The following BCAS3 variants were observed in gnomAD, a reference collection of about 807,000 sequenced individuals.
BCAS3 encodes the protein BCAS4/BCAS3 fusion.
BCAS3 carries 53 observed loss-of-function variants against 116.1 expected under a neutral mutation model. The observed-to-expected ratio is 0.46, with a 90% CI of 0.37 to 0.57. The LOEUF (loss-of-function observed/expected upper bound fraction) is 0.57. BCAS3 is among the 20% of genes least tolerant of loss of function. The probability of loss-of-function intolerance (pLI) is 0.00; values close to 1 mark genes in which losing one functional copy is unlikely to be tolerated. For missense variants in BCAS3, 917 were observed against 1,165.4 expected (o/e 0.79, Z 3.10); for synonymous variants, 391 against 408.2 (o/e 0.96, Z 0.51).
chr17:61,088,957 G>T lies in BCAS3; in HGVS notation c.2425+4393G>T, dbSNP rs573909188. On this transcript the variant is annotated intron_variant, in intron 22 of 23. Coordinates refer to ENST00000407086, the MANE Select transcript of BCAS3 (RefSeq NM_017679.5). The surrounding 1 kb of genome is among the most constrained non-coding windows in gnomAD (Gnocchi z 4.2). Reference sequence around the variant, plus strand: ...ACATGCCTGAGGAAGATGGTAGTGTGAGAAGGACAATGTGACAGATAAGAA... The same window carrying T: ...ACATGCCTGAGGAAGATGGTAGTGTTAGAAGGACAATGTGACAGATAAGAA... Among the ~76,000 whole-genome samples, 20 of 152,306 alleles carry T rather than the reference G, an allele frequency of 1.3e-4. No individual in the cohort carries two copies. The highest frequency in any genetic ancestry group is 4.3e-4 in the African/African-American group (18 of 41,562).
intron 22 of BCAS3, among the ~76,000 whole-genome samples, chr17:61,322,794 CAGAGAGAGAGAG>C (rs35581770): frequency 4.5e-4 from 45 of 99,688 alleles, no homozygotes; most frequent in African/African-American, 1.4e-3. Flanking sequence ...GAGAGAGAGA[CAGAGAGAGAGAG>C]AGAGAGAGAG....
chr17:60,697,094 G>A (rs113200550), intron 4 of BCAS3, among the ~76,000 whole-genome samples: 10,647 of 152,158 alleles, frequency 0.07, 1,242 homozygotes, highest in African/African-American at 0.24. Flanking sequence ...AGAGGCTGAG[G>A]TGGGAGGATT....
At chr17:60,905,634 G>T (rs773431340) in intron 11 of BCAS3, among the ~76,000 whole-genome samples, 12 of 152,112 alleles carry the variant, frequency 7.9e-5, no homozygotes, top group South Asian at 4.1e-4. Flanking sequence ...GGTGTCATTT[G>T]TCTGGGGTAA....
In BCAS3 at chr17:61,106,481, A is replaced by G. The variant is rs1039712301; in HGVS notation, c.2425+21917A>G. On this transcript the variant is annotated intron_variant, in intron 22 of 23. Transcript: ENST00000407086. This position sits in a 1 kb window ranked among gnomAD's most constrained non-coding sequence, Gnocchi z 4.2. ...GCTTAGGTGTGTTGTAGGCTATTCT[A>G]TCTAGGTTTGTACAAGCATACTCTA... is the stretch of plus-strand genomic sequence containing the variant. Among the ~76,000 whole-genome samples, 1 of 152,172 alleles carries G rather than the reference A, an allele frequency of 6.6e-6. No homozygotes were observed. The highest frequency in any genetic ancestry group is 1.5e-5 in the Non-Finnish European group (1 of 68,032).
At chr17:61,100,289 A>G (rs2074242726) in intron 22 of BCAS3, among the ~76,000 whole-genome samples, 1 of 152,118 alleles carries the variant, frequency 6.6e-6, no homozygotes, top group Non-Finnish European at 1.5e-5. Flanking sequence ...ATGATCTTCT[A>G]TTTGGGCTAC....
chr17:61,046,321 AC>A (rs979825911), intron 19 of BCAS3, among the ~76,000 whole-genome samples: 9 of 149,194 alleles, frequency 6.0e-5, no homozygotes, highest in African/African-American at 2.2e-4. Flanking sequence ...GTTTTCCTTA[AC>A]TATATTGGAA....
chr17:60,697,247 A>G (rs1421677379), intron 4 of BCAS3, among the ~76,000 whole-genome samples: 1 of 148,274 alleles, frequency 6.7e-6, no homozygotes, highest in African/African-American at 2.5e-5. Context: ...AGGAAAAGAA[A>G]GAAGCAGGTT....
rs1435775965 is a variant in BCAS3, at chr17:60,962,396, CTTG to C, written c.1221+15049_1221+15051del. On this transcript the variant is annotated intron_variant, in intron 14 of 23. Transcript: ENST00000407086. This position sits in a 1 kb window ranked among gnomAD's most constrained non-coding sequence, Gnocchi z 4.4. ...CATTTTTACTAGGGTGAGATGATAT[CTTG>C]TTGTGGTTTTGATTTGTGTTTCTCT... Among the ~76,000 whole-genome samples, 1 of 152,172 alleles carries C rather than the reference CTTG, an allele frequency of 6.6e-6. No individual in the cohort carries two copies. The highest frequency in any genetic ancestry group is 2.4e-5 in the African/African-American group (1 of 41,520).
At chr17:60,891,762 A>G (rs754687858) in intron 10 of BCAS3, 9 of 455,682 alleles carry the variant, frequency 2.0e-5, no homozygotes, top group Non-Finnish European at 3.1e-5. Context: ...CAGATATTGA[A>G]CATTGTACCC....
chr17:61,250,503 C>T (rs144367958), intron 22 of BCAS3, among the ~76,000 whole-genome samples: 57 of 152,230 alleles, frequency 3.7e-4, no homozygotes, highest in African/African-American at 1.2e-3. Flanking sequence ...CTGTATCAAG[C>T]CGTAATATCC....
At chr17:61,067,302 T>A (rs979030577) in intron 19 of BCAS3, among the ~76,000 whole-genome samples, 1 of 134,414 alleles carries the variant, frequency 7.4e-6, no homozygotes, top group African/African-American at 2.9e-5. Context: ...TATATATATA[T>A]ATATATATAT....
chr17:60,973,018 G>A lies in BCAS3; in HGVS notation c.1222-16953G>A, dbSNP rs1006426795. On this transcript the variant is annotated intron_variant, in intron 14 of 23. Transcript: ENST00000407086. ...CTTTTCCAGTAGGGTTAGAAAGGGC[G>A]TTGTTATTGGAATCATTAGGCATAC... is the stretch of plus-strand genomic sequence containing the variant. Among the ~76,000 whole-genome samples, 6 of 152,116 alleles carry A rather than the reference G, an allele frequency of 3.9e-5. No individual in the cohort carries two copies. The East Asian group carries it at 5.8e-4, about 15-fold the overall frequency.
At chr17:61,061,094 C>T (rs886601765) in intron 19 of BCAS3, among the ~76,000 whole-genome samples, 12 of 152,270 alleles carry the variant, frequency 7.9e-5, no homozygotes, top group Admixed American at 7.2e-4. Context: ...ATATGGAAAA[C>T]ATCATGAATG....
chr17:61,159,994 A>ATT (rs5821306), intron 22 of BCAS3, among the ~76,000 whole-genome samples: 47 of 147,178 alleles, frequency 3.2e-4, no homozygotes, highest in Admixed American at 1.1e-3. Context: ...GGCATCTTTG[A>ATT]TTTTTTTTTT....
In BCAS3 at chr17:61,084,508, C is replaced by A; in HGVS notation, c.2369C>A (p.Ser790Ter). The part of the protein sequence containing the change: ...VRSDPVSMPG[S>*]SRPVSDRRGV... ...TCTGACCCCGTCAGCATGCCAGGGT[C>A]ATCCCGTCCAGTCTCTGATCGAAGG... The change falls in exon 22 of 24, where the codon TCA becomes TAA. Residue 790 changes from serine to a stop codon, truncating the protein, a stop_gained. Coordinates refer to ENST00000407086, the MANE Select transcript of BCAS3 (RefSeq NM_017679.5). LOFTEE classifies it high-confidence loss of function. This position sits in a 1 kb window ranked among gnomAD's most constrained non-coding sequence, Gnocchi z 5.5. 1 of 1,614,180 alleles carries A rather than the reference C, an allele frequency of 6.2e-7. No homozygotes were observed. Among genetic ancestry groups the A allele is most frequent in the Non-Finnish European group, 8.5e-7 (1 of 1,180,032 alleles).
intron 6 of BCAS3, among the ~76,000 whole-genome samples, chr17:60,783,419 G>C (rs561840196): frequency 2.6e-5 from 4 of 152,224 alleles, no homozygotes; most frequent in African/African-American, 9.6e-5. Context: ...TGCCCAGGCT[G>C]GTCTCAAACT....
chr17:61,358,826 C>T (rs889711893), intron 22 of BCAS3, among the ~76,000 whole-genome samples: 14 of 152,134 alleles, frequency 9.2e-5, no homozygotes, highest in African/African-American at 3.4e-4. Context: ...CCAAATTGCC[C>T]GTCAGATAGC....
chr17:60,867,710 T>C (rs1331310011), intron 7 of BCAS3, among the ~76,000 whole-genome samples: 5 of 152,180 alleles, frequency 3.3e-5, no homozygotes, highest in African/African-American at 1.2e-4. Context: ...TTTTTTGCTT[T>C]TATACAATCA....
rs901110491 is a variant in BCAS3, at chr17:61,181,090, G to A, written c.2425+96526G>A. On this transcript the variant is annotated intron_variant, in intron 22 of 23. Coordinates refer to ENST00000407086, the MANE Select transcript of BCAS3 (RefSeq NM_017679.5). The surrounding 1 kb of genome is among the most constrained non-coding windows in gnomAD (Gnocchi z 5.0). ...AATAAAAAAAAATTAGCCCAGAATG[G>A]TGGCACACGCCTGTAGTCTCAGCTA... Among the ~76,000 whole-genome samples, 11 of 152,100 alleles carry A rather than the reference G, an allele frequency of 7.2e-5. No homozygotes were observed. The highest frequency in any genetic ancestry group is 2.6e-4 in the Admixed American group (4 of 15,266).
Sources: allele counts gnomAD v4.1 joint callset (sites outside exome capture counted in the v4.1 genomes callset), GRCh38; gene constraint gnomAD v4.1.1; non-coding constraint Gnocchi (gnomAD v3.1); transcripts MANE v1.5; gene names NCBI Gene and HGNC (gene_info 2026-07-23, HGNC 2026-07-21).